TGFB2: variants seen among roughly 807,000 people sequenced by gnomAD.
TGFB2 encodes transforming growth factor beta-2 proprotein.
In TGFB2, 13 loss-of-function variants were observed where a neutral mutation model predicts 42.7. The observed-to-expected ratio is 0.30, with a 90% CI of 0.20 to 0.48. The LOEUF is 0.48. Among genes scored for constraint, TGFB2 ranks in the 20% least tolerant of loss-of-function variants. TGFB2 has a pLI of 0.99. For synonymous variants in TGFB2, 193 were observed against 193.6 expected (o/e 1.00, Z 0.03); for missense variants, 390 against 517.5 (o/e 0.75, Z 2.39).
At chr1:218,351,290 A>G (rs2799097) in intron 1 of TGFB2, among the ~76,000 whole-genome samples, 132,169 of 152,186 alleles carry the variant, frequency 0.87, 57,601 homozygotes, top group African/African-American at 0.95. Context: ...AGGATTCTCT[A>G]TGTGTGTGTT....
rs151277737 is a variant in TGFB2, at chr1:218,367,132, C to T, written c.346+20085C>T. On this transcript the variant is annotated intron_variant, in intron 1 of 6. Coordinates refer to ENST00000366930, the MANE Select transcript of TGFB2 (RefSeq NM_003238.6). ...CACTCAGATGCCTTCAACCGGGCAA[C>T]GGTGGAGTGGGGAAGGGACTTTCAA... Among the ~76,000 whole-genome samples the T allele has an allele frequency of 1.2e-4, 19 of 152,218 alleles. 1 individual carries two copies. Among genetic ancestry groups the T allele is most frequent in the African/African-American group, 4.1e-4 (17 of 41,538 alleles).
intron 1 of TGFB2, among the ~76,000 whole-genome samples, chr1:218,354,285 ATGTTCTGACCTTCATTATCAGGG>A (rs1656962341): frequency 1.3e-5 from 2 of 152,178 alleles, no homozygotes; most frequent in East Asian, 3.9e-4. Flanking sequence ...GAGAGATGAA[ATGTTCTGACCTTCATTATCAGGG>A]AAAATGTGTC....
At chr1:218,426,659 G>A (rs533055816) in intron 2 of TGFB2, among the ~76,000 whole-genome samples, 4 of 152,254 alleles carry the variant, frequency 2.6e-5, no homozygotes, top group Non-Finnish European at 4.4e-5. Context: ...TACATGAGAA[G>A]CCCCCTTTTC....
At position 218,345,853 on chromosome 1, in the gene TGFB2, G is replaced by C. The variant is rs974737190; in HGVS notation, c.-849G>C. The stretch of plus-strand genomic sequence containing the variant: ...CTGGAGGCTGGAAGCGTTTGCAAGC[G>C]GCGGCGGCAGCAACGTGGAGTAACC... On this transcript the variant is annotated 5_prime_UTR_variant, in exon 1 of 7. Coordinates refer to ENST00000366930, the MANE Select transcript of TGFB2 (RefSeq NM_003238.6). Among the ~76,000 whole-genome samples the C allele has an allele frequency of 1.3e-5, 2 of 152,072 alleles. No individual in the cohort carries two copies. Among genetic ancestry groups the C allele is most frequent in the Non-Finnish European group, 2.9e-5 (2 of 68,000 alleles).
chr1:218,351,712 G>C (rs1410512738), intron 1 of TGFB2, among the ~76,000 whole-genome samples: 2 of 152,120 alleles, frequency 1.3e-5, no homozygotes, highest in Admixed American at 1.3e-4. Flanking sequence ...AGAAGGAAGG[G>C]GTTGGGGGAG....
At chr1:218,399,621 T>C (rs1658645163) in intron 1 of TGFB2, among the ~76,000 whole-genome samples, 2 of 152,066 alleles carry the variant, frequency 1.3e-5, no homozygotes, top group South Asian at 4.1e-4. Flanking sequence ...GTAAAACAGG[T>C]GAAATGTTAA....
chr1:218,386,104 C>G (rs1419473710), intron 1 of TGFB2, among the ~76,000 whole-genome samples: 1 of 152,124 alleles, frequency 6.6e-6, no homozygotes, highest in African/African-American at 2.4e-5. Flanking sequence ...GATTTATCAC[C>G]CCCACCCCAT....
intron 2 of TGFB2, among the ~76,000 whole-genome samples, chr1:218,417,372 T>G (rs111317981): frequency 0.021 from 3,191 of 152,328 alleles, 133 homozygotes; most frequent in African/African-American, 0.074. Flanking sequence ...TGTGGAACTT[T>G]GAACTTGAGA....
intron 2 of TGFB2, 66 bp downstream of exon 2, chr1:218,405,398 T>C (rs1658878401): frequency 1.2e-6 from 2 of 1,602,860 alleles, no homozygotes; most frequent in East Asian, 4.5e-5. Context: ...TCTCTCTCTC[T>C]CTCTGTCACA....
intron 1 of TGFB2, among the ~76,000 whole-genome samples, chr1:218,388,526 T>C (rs760680147): frequency 1.1e-4 from 16 of 152,232 alleles, no homozygotes; most frequent in Middle Eastern, 3.2e-3. Flanking sequence ...TGAAGACATC[T>C]TTATTCCTGC....
intron 1 of TGFB2, among the ~76,000 whole-genome samples, chr1:218,374,480 G>A (rs938599483): frequency 4.6e-5 from 7 of 152,170 alleles, no homozygotes; most frequent in Non-Finnish European, 8.8e-5. Context: ...GTTTCTCCAC[G>A]GGGCCCCCGT....
At chr1:218,375,465 T>G (rs541128915) in intron 1 of TGFB2, among the ~76,000 whole-genome samples, 2 of 151,946 alleles carry the variant, frequency 1.3e-5, no homozygotes, top group East Asian at 3.9e-4. Flanking sequence ...ACATTATTTC[T>G]TAATGGTTCT....
intron 2 of TGFB2, among the ~76,000 whole-genome samples, chr1:218,420,124 T>A (rs1356728545): frequency 6.6e-6 from 1 of 152,106 alleles, no homozygotes; most frequent in East Asian, 1.9e-4. Context: ...AAATAAAAAA[T>A]TAGAAGATAT....
intron 1 of TGFB2, among the ~76,000 whole-genome samples, chr1:218,372,227 G>C (rs1657596436): frequency 6.6e-6 from 1 of 152,200 alleles, no homozygotes; most frequent in African/African-American, 2.4e-5. Flanking sequence ...GCCCTGTTGT[G>C]TGTATGATGC....
At position 218,351,199 on chromosome 1, in the gene TGFB2, A is replaced by G. The variant is rs116570615; in HGVS notation, c.346+4152A>G. On this transcript the variant is annotated intron_variant, in intron 1 of 6. Coordinates refer to ENST00000366930, the MANE Select transcript of TGFB2 (RefSeq NM_003238.6). ...TGCTGGTCTGTTGGCCACTTGCCCA[A>G]TGAAGGAAAATGTTAGCGATTGCTG... Among the ~76,000 whole-genome samples the G allele has an allele frequency of 2.4e-3, 366 of 152,342 alleles. 3 individuals are homozygous for G. Among genetic ancestry groups the G allele is most frequent in the African/African-American group, 8.5e-3 (354 of 41,568 alleles).
intron 1 of TGFB2, among the ~76,000 whole-genome samples, chr1:218,357,280 T>G (rs1241629124): frequency 6.7e-6 from 1 of 150,298 alleles, no homozygotes; most frequent in Non-Finnish European, 1.5e-5. Context: ...GAGGGGCTGG[T>G]CGAGAGTAAC....
chr1:218,412,797 C>CT (rs900562001), intron 2 of TGFB2, among the ~76,000 whole-genome samples: 1 of 152,122 alleles, frequency 6.6e-6, no homozygotes, highest in Non-Finnish European at 1.5e-5. Context: ...CCTAAGTTAC[C>CT]TGTGAAAGTC....
At chr1:218,419,006 C>T (rs1659369253) in intron 2 of TGFB2, among the ~76,000 whole-genome samples, 1 of 152,188 alleles carries the variant, frequency 6.6e-6, no homozygotes, top group South Asian at 2.1e-4. Flanking sequence ...ACCCCCTCAG[C>T]AGCTGTTTAC....
At chr1:218,357,887 A>G (rs987831181) in intron 1 of TGFB2, among the ~76,000 whole-genome samples, 1 of 152,130 alleles carries the variant, frequency 6.6e-6, no homozygotes, top group Non-Finnish European at 1.5e-5. Flanking sequence ...TTTAAGAATA[A>G]CACTGGTCTT....
Sources: allele counts gnomAD v4.1 joint callset (sites outside exome capture counted in the v4.1 genomes callset), GRCh38; gene constraint gnomAD v4.1.1; transcripts MANE v1.5; gene names NCBI Gene and HGNC (gene_info 2026-07-23, HGNC 2026-07-21).